The following FASTKD1 variants were observed in gnomAD, a reference collection of about 807,000 sequenced individuals.
The protein encoded by FASTKD1 is FAST kinase domains 1.
Under a neutral mutation model 90.9 loss-of-function variants are expected in FASTKD1, and 94 were observed. That is an observed-to-expected ratio of 1.03 (90% CI 0.88 to 1.23). FASTKD1 has a LOEUF of 1.23. Among genes scored for constraint, FASTKD1 ranks in the 50% most tolerant of loss-of-function variants. The pLI is 0.00. For missense variants in FASTKD1, 945 were observed against 993.5 expected, an observed-to-expected ratio of 0.95 and a Z score of 0.66; for synonymous variants, 319 against 345.8, an observed-to-expected ratio of 0.92 and a Z score of 0.86.
intron 7 of FASTKD1, among the ~76,000 whole-genome samples, chr2:169,549,283 A>G (rs1038371943): frequency 8.1e-5 from 12 of 149,038 alleles, no homozygotes; most frequent in Non-Finnish European, 3.0e-5. Context: ...ATGCGCTGTA[A>G]TCCCAGCTAC....
At position 169,530,667 on chromosome 2, in the gene FASTKD1, A is replaced by G. The variant is rs777860212; in HGVS notation, c.2362T>C (p.Cys788Arg). The G allele has an allele frequency of 1.2e-6, 2 of 1,607,508 alleles. No individual in the cohort carries two copies. The highest frequency in any genetic ancestry group is 2.7e-5 in the African/African-American group (2 of 74,616). Reference sequence around the variant, plus strand: ...CCTTTCATGTGAGGGATATTTCTACAAAGTGCTTTTGAATCCAAAAATTCC... The same window carrying G: ...CCTTTCATGTGAGGGATATTTCTACGAAGTGCTTTTGAATCCAAAAATTCC... ...ALEFLDSKAL[C>R]RNIPHMKGKS... Residue 788 changes from cysteine (C) to arginine (R), a missense_variant, in exon 14 of 15, where the codon TGT (cysteine) becomes CGT (arginine). By Grantham distance (180) the Cys-to-Arg change is radical (BLOSUM62 -3). Transcript: ENST00000453153.
intron 12 of FASTKD1, among the ~76,000 whole-genome samples, chr2:169,533,461 T>G (rs944141807): frequency 1.3e-5 from 2 of 152,178 alleles, no homozygotes; most frequent in Non-Finnish European, 2.9e-5. Flanking sequence ...TTGCCAGGTA[T>G]ATAACCTTGG....
chr2:169,563,588 G>C (rs1683813836), intron 3 of FASTKD1, among the ~76,000 whole-genome samples: 1 of 152,024 alleles, frequency 6.6e-6, no homozygotes, highest in Admixed American at 6.6e-5. Context: ...TTTTTTAGAT[G>C]ACAGAACAAT....
rs751884273 is a variant in FASTKD1, at chr2:169,560,614, T to C, written c.744A>G (p.Leu248=). The change falls in exon 5 of 15, where the codon CTA becomes CTG. Residue 248 remains leucine, a synonymous_variant. Coordinates refer to ENST00000453153, the MANE Select transcript of FASTKD1 (RefSeq NM_024622.6). Reference sequence around the variant, plus strand: ...AAAATACGTTATTACATCTTTCTAATAGTGGTTGATAACGATATCTAACAT... The same window carrying C: ...AAAATACGTTATTACATCTTTCTAACAGTGGTTGATAACGATATCTAACAT... ...LRNVRYRYQP[L]LERCNNVFLS... is the part of the protein sequence containing the mutation. 1.2e-6 allele frequency: 2 copies of C among 1,612,030 alleles called. No individual in the cohort carries two copies. Among genetic ancestry groups the C allele is most frequent in the East Asian group, 2.2e-5 (1 of 44,802 alleles).
rs1233364102 is a variant in FASTKD1 at position 169,546,358 on chromosome 2, T to C, written c.1561A>G (p.Ile521Val). 6.2e-7 allele frequency: 1 copy of C among 1,614,020 alleles called. No individual in the cohort carries two copies. Among genetic ancestry groups the C allele is most frequent in the Admixed American group, 1.7e-5 (1 of 59,998 alleles). ...TFPESLLEEMIATLQHFMDDI... is the reference protein window; with the variant it reads ...TFPESLLEEMVATLQHFMDDI... ...TCCATGAAATGCTGTAAAGTAGCAA[T>C]CATTTCTTCAAGAAGTGACTCAGGA... The change falls in exon 8 of 15, where the codon ATT becomes GTT. Residue 521 changes from isoleucine (I) to valine (V), a missense_variant. Transcript: ENST00000453153.
chr2:169,557,496 A>G (rs568001870), intron 5 of FASTKD1, among the ~76,000 whole-genome samples, 199 bp from the exon 6 acceptor site: 1 of 152,338 alleles, frequency 6.6e-6, no homozygotes, highest in South Asian at 2.1e-4. Context: ...GTCTTCTTCA[A>G]TGAAATTCAG....
chr2:169,530,859 G>A, intron 13 of FASTKD1, 158 bp from the exon 14 acceptor site: 2 of 650,374 alleles, frequency 3.1e-6, no homozygotes, highest in Non-Finnish European at 5.5e-6. Context: ...ATTAGTAATT[G>A]ATGACAAACC....
intron 3 of FASTKD1, 76 bp from the exon 4 acceptor site, chr2:169,563,426 TA>T (rs1404540110): frequency 1.6e-5 from 17 of 1,071,698 alleles, no homozygotes; most frequent in Non-Finnish European, 2.0e-5. Flanking sequence ...GTTATAAAAT[TA>T]AAAGCAATCA....
Position 169,537,711 on chromosome 2 carries a change from T to C in FASTKD1, c.2074+302A>G, listed in dbSNP as rs185496403. ...TTAATCAGTTTTTTAATGAAAATCA[T>C]CCCAGTTCTACAAACTGAAAAATAA... On this transcript the variant is annotated intron_variant, in intron 11 of 14. Coordinates refer to ENST00000453153, the MANE Select transcript of FASTKD1 (RefSeq NM_024622.6). 2.6e-3 allele frequency among the ~76,000 whole-genome samples: 393 copies of C among 152,236 alleles called. 2 individuals carry two copies. Among genetic ancestry groups the C allele is most frequent in the African/African-American group, 9.1e-3 (378 of 41,544 alleles).
intron 6 of FASTKD1, among the ~76,000 whole-genome samples, chr2:169,556,551 C>A (rs759565850): frequency 3.3e-5 from 5 of 151,368 alleles, no homozygotes; most frequent in African/African-American, 4.9e-5. Flanking sequence ...GGGCTGGGTG[C>A]GGTGGCTCAG....
intron 7 of FASTKD1, among the ~76,000 whole-genome samples, chr2:169,548,656 C>T (rs577894090): frequency 4.3e-5 from 6 of 140,278 alleles, no homozygotes; most frequent in South Asian, 2.4e-4. Flanking sequence ...CGCTTGAACC[C>T]GGGAGGCGGA....
chr2:169,539,244 C>CTTGA (rs1684862135), intron 10 of FASTKD1, among the ~76,000 whole-genome samples: 2 of 150,830 alleles, frequency 1.3e-5, no homozygotes, highest in Non-Finnish European at 2.9e-5. Flanking sequence ...TGCACTCCAG[C>CTTGA]CTGGGAAACA....
intron 9 of FASTKD1, 25 bp downstream of exon 9, chr2:169,544,696 A>C: frequency 8.0e-7 from 1 of 1,256,602 alleles, no homozygotes. Context: ...TATTCACTCA[A>C]TGTATTACCA....
chr2:169,531,434 T>C lies in FASTKD1; in HGVS notation c.2245A>G (p.Ile749Val), dbSNP rs1300897871. The C allele has an allele frequency of 7.4e-6, 12 of 1,612,390 alleles. No homozygotes were observed. In the East Asian group the frequency reaches 2.5e-4, roughly 33 times the overall value. ...KKPLPYGSHN[I>V]ALGQLPEMPW... ...ATTTCTGGTAGTTGTCCCAATGCTA[T>C]ATTATGGCTTCCATACGGAAGAGGT... is the stretch of plus-strand genomic sequence containing the variant. Residue 749 changes from isoleucine (I) to valine (V), a missense_variant, in exon 13 of 15, where the codon ATA becomes GTA. By Grantham distance (29) the Ile-to-Val change is conservative. Transcript: ENST00000453153.
chr2:169,534,030 G>T (rs1684609081), intron 12 of FASTKD1, among the ~76,000 whole-genome samples: 2 of 151,740 alleles, frequency 1.3e-5, no homozygotes, highest in Admixed American at 1.3e-4. Flanking sequence ...AATTAGCCTG[G>T]TGTGGTGGTG....
chr2:169,531,064 T>C lies in FASTKD1; in HGVS notation c.2327+288A>G, dbSNP rs756097313. The C allele has an allele frequency of 5.8e-6, 4 of 685,174 alleles. No individual in the cohort carries two copies. In the Admixed American group the frequency reaches 7.1e-5, roughly 12 times the overall value. 42.4% of individuals were successfully genotyped at this position (685,174 alleles called of 1,614,324 possible). On this transcript the variant is annotated intron_variant, in intron 13 of 14. Transcript: ENST00000453153. ...TAATGCAGTGTAGGAAGTGGCTAAG[T>C]GCTATGAGAAAAGTAGAGAGGTATG...
chr2:169,543,024 G>A (rs1685025698), intron 9 of FASTKD1, among the ~76,000 whole-genome samples: 1 of 152,160 alleles, frequency 6.6e-6, no homozygotes, highest in South Asian at 2.1e-4. Context: ...ACAAATGCAG[G>A]AGATGGAGAA....
intron 12 of FASTKD1, among the ~76,000 whole-genome samples, chr2:169,535,464 A>ATTTAT (rs1553535173): frequency 9.3e-5 from 14 of 149,734 alleles, no homozygotes; most frequent in African/African-American, 2.9e-4. Flanking sequence ...TTATTTATTT[A>ATTTAT]TTATTTGTTT....
intron 7 of FASTKD1, among the ~76,000 whole-genome samples, chr2:169,548,731 CAAAAA>C (rs58560988): frequency 2.5e-4 from 9 of 35,658 alleles, no homozygotes; most frequent in African/African-American, 9.4e-4. Context: ...GACTCCGCCT[CAAAAA>C]AAAAAAAAAA....
Sources: gnomAD v4.1 joint callset for allele counts (sites outside exome capture counted in the v4.1 genomes callset) on GRCh38, gnomAD v4.1.1 for gene constraint, MANE v1.5 for transcripts, NCBI Gene and HGNC (gene_info 2026-07-23, HGNC 2026-07-21) for gene names.